The following RAI14 variants were observed in gnomAD, a reference collection of about 807,000 sequenced individuals.
RAI14 encodes retinoic acid induced 14.
In RAI14, 45 loss-of-function variants were observed where a neutral mutation model predicts 115.4. The observed-to-expected ratio is 0.39, with a 90% CI of 0.31 to 0.50. The LOEUF (loss-of-function observed/expected upper bound fraction) is 0.50. Ranked by LOEUF, RAI14 falls within the 20% of genes least tolerant of loss-of-function variation. The pLI is 0.85. For synonymous variants in RAI14, 371 were observed against 415.4 expected (o/e 0.89, Z 1.30); for missense variants, 939 against 1,131.2 (o/e 0.83, Z 2.44).
intron 8 of RAI14, among the ~76,000 whole-genome samples, chr5:34,811,443 T>A (rs938508866): frequency 1.3e-5 from 2 of 152,180 alleles, no homozygotes; most frequent in African/African-American, 4.8e-5. Context: ...GAAATATATA[T>A]GTTATTTAAA....
intron 2 of RAI14, chr5:34,688,251 A>G: frequency 6.5e-7 from 1 of 1,548,456 alleles, no homozygotes; most frequent in African/African-American, 1.4e-5. Flanking sequence ...AGAAAAAGGC[A>G]ATTAAATGGA....
intron 1 of RAI14, among the ~76,000 whole-genome samples, chr5:34,660,619 G>A (rs1020352058): frequency 2.0e-5 from 3 of 152,180 alleles, no homozygotes; most frequent in Non-Finnish European, 4.4e-5. Flanking sequence ...AGGGGTAGGA[G>A]TAAGCATTTA....
chr5:34,784,505 G>A (rs905152269), intron 3 of RAI14, among the ~76,000 whole-genome samples: 6 of 152,160 alleles, frequency 3.9e-5, no homozygotes, highest in African/African-American at 1.4e-4. Context: ...CTTTGTGAGA[G>A]GGACAGTAAT....
intron 3 of RAI14, among the ~76,000 whole-genome samples, chr5:34,790,910 T>C (rs1464942938): frequency 6.6e-6 from 1 of 152,064 alleles, no homozygotes; most frequent in Non-Finnish European, 1.5e-5. Flanking sequence ...ACCACAATTC[T>C]AGCATATACT....
At chr5:34,747,583 C>T (rs1175621032) in intron 2 of RAI14, among the ~76,000 whole-genome samples, 1 of 152,126 alleles carries the variant, frequency 6.6e-6, no homozygotes, top group Non-Finnish European at 1.5e-5. Context: ...TAGTTGAAAC[C>T]AATAGAATTG....
chr5:34,704,247 C>T (rs545344696), intron 2 of RAI14, among the ~76,000 whole-genome samples: 15 of 152,328 alleles, frequency 9.8e-5, no homozygotes, highest in Non-Finnish European at 1.8e-4. Flanking sequence ...TGTTAACTCA[C>T]CATGGCAAGC....
At chr5:34,708,189 A>G (rs1325953516) in intron 2 of RAI14, among the ~76,000 whole-genome samples, 1 of 151,258 alleles carries the variant, frequency 6.6e-6, no homozygotes, top group African/African-American at 2.4e-5. Context: ...CCTAAGTATA[A>G]GGGAACTTTG....
At position 34,670,952 on chromosome 5, in the gene RAI14, T is replaced by C. The variant is rs568750190; in HGVS notation, c.-49+14477T>C. On this transcript the variant is annotated intron_variant, in intron 1 of 17. Transcript: ENST00000265109. The stretch of plus-strand genomic sequence containing the variant: ...TATAGTTAATTCCCTATTGATGTTT[T>C]TGGAAAATTTTCAGACATGTTTTCT... Among the ~76,000 whole-genome samples the C allele has an allele frequency of 7.9e-5, 12 of 152,316 alleles. No individual in the cohort carries two copies. In the South Asian group the frequency reaches 2.1e-3, roughly 26 times the overall value.
At chr5:34,721,538 T>C (rs1742755945) in intron 2 of RAI14, among the ~76,000 whole-genome samples, 1 of 152,078 alleles carries the variant, frequency 6.6e-6, no homozygotes, top group South Asian at 2.1e-4. Flanking sequence ...CTCAAAAAAG[T>C]AAACCTCTGC....
intron 3 of RAI14, among the ~76,000 whole-genome samples, chr5:34,792,896 G>A (rs932900944): frequency 6.6e-6 from 1 of 152,134 alleles, no homozygotes; most frequent in African/African-American, 2.4e-5. Flanking sequence ...CTGTCATTCT[G>A]TTTTCTCAGC....
chr5:34,681,522 T>A (rs1012894262), intron 1 of RAI14, among the ~76,000 whole-genome samples: 12 of 152,006 alleles, frequency 7.9e-5, no homozygotes, highest in African/African-American at 9.7e-5. Flanking sequence ...CGAGATAGAG[T>A]CTCACTCTTT....
chr5:34,773,772 A>G (rs566997134), intron 3 of RAI14, among the ~76,000 whole-genome samples: 33 of 152,344 alleles, frequency 2.2e-4, no homozygotes, highest in African/African-American at 7.7e-4. Context: ...GGAAGGATGC[A>G]GAGAAAAGAA....
intron 3 of RAI14, among the ~76,000 whole-genome samples, chr5:34,777,040 A>G (rs752444151): frequency 7.9e-5 from 12 of 151,394 alleles, no homozygotes; most frequent in South Asian, 4.2e-4. Flanking sequence ...GCATAGTGGC[A>G]TGCACCCGTA....
intron 2 of RAI14, among the ~76,000 whole-genome samples, chr5:34,726,416 G>C (rs1190359687): frequency 6.6e-6 from 1 of 152,104 alleles, no homozygotes; most frequent in Admixed American, 6.5e-5. Context: ...AGGGAGAGGT[G>C]CTACACACTT....
At chr5:34,725,232 A>C (rs1022549072) in intron 2 of RAI14, among the ~76,000 whole-genome samples, 1 of 152,276 alleles carries the variant, frequency 6.6e-6, no homozygotes, top group East Asian at 1.9e-4. Context: ...AAAAGGATTC[A>C]AATTGTTTAG....
intron 2 of RAI14, among the ~76,000 whole-genome samples, chr5:34,708,282 A>G (rs769826251): frequency 1.3e-5 from 2 of 150,444 alleles, no homozygotes; most frequent in Admixed American, 6.7e-5. Context: ...GGCTCACTGC[A>G]ACCTCTGCCT....
intron 7 of RAI14, among the ~76,000 whole-genome samples, chr5:34,809,698 A>G (rs1580334023): frequency 6.6e-6 from 1 of 151,980 alleles, no homozygotes. Context: ...CTATATAGGT[A>G]TATTTATTTC....
chr5:34,762,968 TG>T (rs1748874786), intron 3 of RAI14, among the ~76,000 whole-genome samples: 2 of 137,224 alleles, frequency 1.5e-5, no homozygotes, highest in African/African-American at 7.0e-5. Flanking sequence ...TGTGTGTGTG[TG>T]TGTGTGTATG....
At chr5:34,703,375 G>T (rs908981028) in intron 2 of RAI14, among the ~76,000 whole-genome samples, 8 of 152,172 alleles carry the variant, frequency 5.3e-5, no homozygotes, top group African/African-American at 1.4e-4. Context: ...GTAAAAATTT[G>T]TTGAGTATAT....
Sources: allele counts gnomAD v4.1 joint callset (sites outside exome capture counted in the v4.1 genomes callset), GRCh38; gene constraint gnomAD v4.1.1; transcripts MANE v1.5; gene names NCBI Gene and HGNC (gene_info 2026-07-23, HGNC 2026-07-21).